CHID1: variants seen among roughly 807,000 people sequenced by gnomAD.
CHID1 encodes chitinase domain-containing protein 1.
CHID1 carries 44 observed loss-of-function variants against 55.4 expected under a neutral mutation model. The ratio of observed to expected loss-of-function variants is 0.79; its 90% CI spans 0.62 to 1.02. The LOEUF is 1.02. Ranked by LOEUF, CHID1 falls within the 50% of genes least tolerant of loss-of-function variation. The pLI is 0.00. For synonymous variants in CHID1, 216 were observed against 212.9 expected (o/e 1.01, Z -0.13); for missense variants, 491 against 515.3 (o/e 0.95, Z 0.46).
In CHID1 at chr11:870,176, G is replaced by A; in HGVS notation, c.1041-13C>T. 1 of 1,613,174 alleles carries A rather than the reference G, an allele frequency of 6.2e-7. No homozygotes were observed. Among genetic ancestry groups the A allele is most frequent in the Non-Finnish European group, 8.5e-7 (1 of 1,179,982 alleles). ...CCCACTGCGGCTCCTGCAAGACAAA[G>A]GGACTGTCAGCCCATCCGCTCTGCT... On this transcript the variant is annotated splice_polypyrimidine_tract_variant and intron_variant, in intron 11 of 12. Coordinates refer to ENST00000323578, the MANE Select transcript of CHID1 (RefSeq NM_023947.4).
At chr11:889,895 C>G (rs887760093) in intron 8 of CHID1, among the ~76,000 whole-genome samples, 1 of 152,250 alleles carries the variant, frequency 6.6e-6, no homozygotes, top group Non-Finnish European at 1.5e-5. Flanking sequence ...TCCCCTCCCC[C>G]TCTGCCCACC....
At chr11:914,493 A>T (rs1189009238), upstream of CHID1, 5 of 1,284,308 alleles carry the variant, frequency 3.9e-6, no homozygotes, top group African/African-American at 4.6e-5. Context: ...TGCTGACTGG[A>T]TCCCTGCTTT....
chr11:889,324 G>A (rs1477564390), intron 8 of CHID1, among the ~76,000 whole-genome samples: 4 of 152,188 alleles, frequency 2.6e-5, no homozygotes, highest in African/African-American at 7.2e-5. Flanking sequence ...GGCCCACGTG[G>A]CAGATGCCCC....
At chr11:901,143 C>T (rs2134316412) in intron 4 of CHID1, among the ~76,000 whole-genome samples, 163 bp from the exon 5 acceptor site, 1 of 152,046 alleles carries the variant, frequency 6.6e-6, no homozygotes, top group East Asian at 2.0e-4. Flanking sequence ...AGGGCTGGCT[C>T]TCCACACCCT....
chr11:888,909 T>C (rs367777192), intron 8 of CHID1, among the ~76,000 whole-genome samples: 6 of 151,262 alleles, frequency 4.0e-5, no homozygotes, highest in African/African-American at 7.3e-5. Flanking sequence ...TTGGCCTCGA[T>C]TGGACCCCGG....
At position 902,035 on chromosome 11, in the gene CHID1, T is replaced by G. The variant is rs11246341; in HGVS notation, c.394+163A>C. On this transcript the variant is annotated intron_variant, in intron 4 of 12. Coordinates refer to ENST00000323578, the MANE Select transcript of CHID1 (RefSeq NM_023947.4). ...CTCTCCCACATCATCAGTCTCACAC[T>G]TACACACTCACATTCACACTTAAAT... 3.9e-5 allele frequency: 24 copies of G among 617,340 alleles called. 1 individual carries two copies. In the East Asian group the frequency reaches 6.0e-4, roughly 16 times the overall value. The allele number at this position is 617,340 out of a possible 1,614,324, so 38.2% of individuals were successfully genotyped here.
intron 7 of CHID1, among the ~76,000 whole-genome samples, chr11:894,094 C>T (rs1380709606): frequency 7.3e-6 from 1 of 137,696 alleles, no homozygotes; most frequent in Non-Finnish European, 1.5e-5. Context: ...TGCACTCCAG[C>T]CTGGGCTGAA....
At chr11:906,439 ACGTTGGC>A (rs1852221557) in intron 1 of CHID1, among the ~76,000 whole-genome samples, 2 of 151,992 alleles carry the variant, frequency 1.3e-5, no homozygotes, top group African/African-American at 4.8e-5. Context: ...GGGTTTCGCC[ACGTTGGC>A]CAGGTTGGTC....
At chr11:884,838 C>T (rs1265074652) in intron 8 of CHID1, among the ~76,000 whole-genome samples, 1 of 152,222 alleles carries the variant, frequency 6.6e-6, no homozygotes, top group Non-Finnish European at 1.5e-5. Flanking sequence ...GTCTGCCTGG[C>T]CCCTGGGCCA....
In CHID1 at chr11:908,523, A is replaced by G. The variant is rs563098130; in HGVS notation, c.-44+2252T>C. The G allele has an allele frequency of 7.6e-5, 74 of 968,900 alleles. No homozygotes were observed. In the African/African-American group the frequency reaches 1.3e-3, roughly 17 times the overall value. The allele number at this position is 968,900 out of a possible 1,614,324, so 60.0% of individuals were successfully genotyped here. On this transcript the variant is annotated intron_variant, in intron 1 of 12. Transcript: ENST00000323578. Reference sequence around the variant, plus strand: ...GGGTTCTGGCCATGGCACAGGGAAGACGGCCCAGAATCACTTGCCTGGCCA... The same window carrying G: ...GGGTTCTGGCCATGGCACAGGGAAGGCGGCCCAGAATCACTTGCCTGGCCA...
At position 868,726 on chromosome 11, in the gene CHID1, C is replaced by T. The variant is rs949652829; in HGVS notation, c.*1132G>A. The T allele has an allele frequency of 1.3e-5, 2 of 152,250 alleles. No homozygotes were observed. The highest frequency in any genetic ancestry group is 6.5e-5 in the Admixed American group (1 of 15,280). The allele number at this position is 152,250 out of a possible 1,614,324, so 9.4% of individuals were successfully genotyped here. A position where few individuals can be genotyped will look rare whatever the true frequency, so the allele number is the denominator to read the frequency against. ...ACCACCGGCTGGAGATGTCCTGACC[C>T]CCTGCCCACTGCGCCCTAACATTAC... On this transcript the variant is annotated 3_prime_UTR_variant, in exon 13 of 13. Transcript: ENST00000323578.
At chr11:874,040 G>A (rs574552805) in intron 10 of CHID1, among the ~76,000 whole-genome samples, 1 of 152,086 alleles carries the variant, frequency 6.6e-6, no homozygotes, top group Non-Finnish European at 1.5e-5. Context: ...TGTGTGTGTG[G>A]GGGGCGTCAC....
intron 10 of CHID1, among the ~76,000 whole-genome samples, chr11:873,313 G>A (rs1269412556): frequency 6.6e-6 from 1 of 152,154 alleles, no homozygotes; most frequent in Non-Finnish European, 1.5e-5. Context: ...TGGGGGGCCT[G>A]AGTGGCCATC....
intron 10 of CHID1, among the ~76,000 whole-genome samples, chr11:872,140 CCAGA>C (rs1849219871): frequency 6.6e-6 from 1 of 152,316 alleles, no homozygotes; most frequent in South Asian, 2.1e-4. Context: ...CCTCCCCAAC[CCAGA>C]CAGTTTCCCT....
intron 7 of CHID1, among the ~76,000 whole-genome samples, chr11:894,134 A>G (rs866416264): frequency 0.016 from 2,323 of 148,058 alleles, 27 homozygotes; most frequent in Middle Eastern, 0.068. Context: ...AAAAAAAAAA[A>G]AAAAAAAAAA....
At chr11:902,899 G>T in intron 3 of CHID1, 63 bp downstream of exon 3, 1 of 1,523,556 alleles carries the variant, frequency 6.6e-7, no homozygotes, top group Non-Finnish European at 9.0e-7. Flanking sequence ...AGGCCATCAC[G>T]GGGCCAGGGC....
intron 10 of CHID1, among the ~76,000 whole-genome samples, chr11:874,135 G>T (rs1388210147): frequency 6.6e-6 from 1 of 152,176 alleles, no homozygotes; most frequent in African/African-American, 2.4e-5. Flanking sequence ...TCCAAAGCCT[G>T]GGGACTTTGC....
chr11:912,860 A>G (rs926366534), upstream of CHID1, among the ~76,000 whole-genome samples: 1 of 151,958 alleles, frequency 6.6e-6, no homozygotes, highest in Non-Finnish European at 1.5e-5. Context: ...AAGAAAAAGA[A>G]AAAGAAAACT....
At chr11:893,837 TA>T (rs879432811) in intron 7 of CHID1, among the ~76,000 whole-genome samples, 502 of 138,354 alleles carry the variant, frequency 3.6e-3, no homozygotes, top group Middle Eastern at 3.8e-3. Flanking sequence ...CATGGCAGAT[TA>T]AAAAAAAAAA....
Sources: gnomAD v4.1 joint callset for allele counts (sites outside exome capture counted in the v4.1 genomes callset) on GRCh38, gnomAD v4.1.1 for gene constraint, MANE v1.5 for transcripts, NCBI Gene and HGNC (gene_info 2026-07-23, HGNC 2026-07-21) for gene names.